STAB2: variants seen among roughly 807,000 people sequenced by gnomAD.
STAB2 encodes the protein stabilin-2.
In STAB2, 288 loss-of-function variants were observed where a neutral mutation model predicts 338.1. The ratio of observed to expected loss-of-function variants is 0.85; its 90% confidence interval spans 0.77 to 0.94. STAB2 has a LOEUF of 0.94. Ranked by LOEUF, STAB2 falls within the 40% of genes least tolerant of loss-of-function variation. The pLI is 0.00. For synonymous variants in STAB2, 1,202 were observed against 1,193.3 expected (o/e 1.01, Z -0.15); for missense variants, 3,141 against 3,210.1 (o/e 0.98, Z 0.52).
chr12:103,637,420 A>G (rs1368355600), intron 7 of STAB2, among the ~76,000 whole-genome samples, 184 bp downstream of exon 7: 1 of 152,236 alleles, frequency 6.6e-6, no homozygotes, highest in Non-Finnish European at 1.5e-5. Flanking sequence ...TCCTTCTCTT[A>G]TGAAAGCACA....
At chr12:103,703,832 A>G (rs886106248) in intron 35 of STAB2, among the ~76,000 whole-genome samples, 1 of 152,238 alleles carries the variant, frequency 6.6e-6, no homozygotes, top group Admixed American at 6.5e-5. Context: ...TATGCCGGGC[A>G]CTGCTCTAAA....
intron 6 of STAB2, among the ~76,000 whole-genome samples, chr12:103,634,515 G>A (rs117692512): frequency 0.017 from 2,643 of 152,318 alleles, 26 homozygotes; most frequent in Middle Eastern, 0.034. Flanking sequence ...TATCTTATAC[G>A]TAGGTCAATG....
intron 3 of STAB2, among the ~76,000 whole-genome samples, chr12:103,613,510 T>C (rs1317103816): frequency 6.6e-6 from 1 of 152,194 alleles, no homozygotes; most frequent in Non-Finnish European, 1.5e-5. Context: ...AATCTCCTGG[T>C]GTGCCGTTTG....
chr12:103,665,806 A>G (rs937314882), intron 18 of STAB2, among the ~76,000 whole-genome samples: 1 of 152,182 alleles, frequency 6.6e-6, no homozygotes, highest in Non-Finnish European at 1.5e-5. Context: ...CAATTCCATC[A>G]CCCTGAACCA....
At chr12:103,760,653 T>C (rs1884468315) in intron 65 of STAB2, among the ~76,000 whole-genome samples, 1 of 152,032 alleles carries the variant, frequency 6.6e-6, no homozygotes, top group African/African-American at 2.4e-5. Context: ...GGGGTAGCGG[T>C]GGAGGTGGTG....
At chr12:103,650,860 A>G (rs1873688087) in intron 11 of STAB2, among the ~76,000 whole-genome samples, 1 of 152,140 alleles carries the variant, frequency 6.6e-6, no homozygotes, top group African/African-American at 2.4e-5. Context: ...CCCCTTTCCA[A>G]TCATTACCCT....
chr12:103,752,081 G>A (rs2139189096), intron 60 of STAB2, among the ~76,000 whole-genome samples: 1 of 152,274 alleles, frequency 6.6e-6, no homozygotes, highest in Non-Finnish European at 1.5e-5. Flanking sequence ...ACTGAGACCT[G>A]ATGGTTCCGT....
At position 103,659,402 on chromosome 12, in the gene STAB2, G is replaced by A. The variant is rs140135642; in HGVS notation, c.1735-929G>A. ...GCTTTCTCTTAGCCTGGGACTTCAC[G>A]CTGTTGCAACCTGTTCTTAGAACAT... is the stretch of plus-strand genomic sequence containing the variant. On this transcript the variant is annotated intron_variant, in intron 15 of 68. Transcript: ENST00000388887. Among the ~76,000 whole-genome samples, 223 of 152,296 alleles carry A rather than the reference G, an allele frequency of 1.5e-3. 1 individual carries two copies. Among genetic ancestry groups the A allele is most frequent in the African/African-American group, 5.0e-3 (207 of 41,560 alleles).
At chr12:103,647,301 T>C (rs1593179115) in intron 9 of STAB2, among the ~76,000 whole-genome samples, 1 of 152,244 alleles carries the variant, frequency 6.6e-6, no homozygotes, top group East Asian at 1.9e-4. Context: ...CATGGAAATA[T>C]ATTTAGAAAC....
chr12:103,728,809 C>T (rs1336568845), intron 47 of STAB2, 40 bp from the exon 48 acceptor site: 2 of 1,610,132 alleles, frequency 1.2e-6, no homozygotes, highest in East Asian at 2.2e-5. Context: ...CAGCAAAAGA[C>T]TCCTGCCTCT....
At chr12:103,760,472 G>A (rs1269841062) in intron 65 of STAB2, among the ~76,000 whole-genome samples, 2 of 152,182 alleles carry the variant, frequency 1.3e-5, no homozygotes, top group Non-Finnish European at 2.9e-5. Context: ...TGTTGGCCAG[G>A]CTGGTCTTGA....
chr12:103,653,073 ATTTG>A (rs1873867038), intron 12 of STAB2, among the ~76,000 whole-genome samples: 1 of 152,096 alleles, frequency 6.6e-6, no homozygotes, highest in Non-Finnish European at 1.5e-5. Flanking sequence ...AATAGATTGT[ATTTG>A]TTTTAGATTG....
chr12:103,718,795 C>A (rs1478451035), intron 44 of STAB2, among the ~76,000 whole-genome samples: 1 of 152,198 alleles, frequency 6.6e-6, no homozygotes, highest in Non-Finnish European at 1.5e-5. Context: ...ATTTAGATTC[C>A]TCCCAGCCCT....
intron 19 of STAB2, 97 bp from the exon 20 acceptor site, chr12:103,668,546 A>G (rs1875388657): frequency 4.5e-6 from 5 of 1,118,872 alleles, no homozygotes; most frequent in Non-Finnish European, 6.5e-6. Flanking sequence ...TCAGTGGTGA[A>G]ATGGAAGTAC....
Position 103,690,308 on chromosome 12 carries a change from G to A in STAB2, c.3183-116G>A, listed in dbSNP as rs913036039. On this transcript the variant is annotated intron_variant, in intron 29 of 68. Transcript: ENST00000388887. ...TCTAGCCAAGGCTGGTAACTGCAGG[G>A]GGAACTTGAATTTTGACTATGGCAA... 6 of 931,882 alleles carry A rather than the reference G, an allele frequency of 6.4e-6. No individual in the cohort carries two copies. In the South Asian group the frequency reaches 1.0e-4, roughly 16 times the overall value. The allele number at this position is 931,882 out of a possible 1,614,324, so 57.7% of individuals were successfully genotyped here.
intron 39 of STAB2, among the ~76,000 whole-genome samples, chr12:103,709,218 G>T (rs141198117): frequency 1.3e-5 from 2 of 152,270 alleles, no homozygotes; most frequent in Admixed American, 6.5e-5. Context: ...CAGGCAGAAA[G>T]AAGCACCTGG....
rs894229192 is a variant in STAB2, at chr12:103,713,780, T to G, written c.4537+12T>G. On this transcript the variant is annotated intron_variant, in intron 42 of 68. Transcript: ENST00000388887. ...CATTGTGTGCCTGGGTAGGTGTCCT[T>G]CCCTCTTCCATCGGCGAAATGGTAT... The G allele has an allele frequency of 1.2e-6, 2 of 1,613,092 alleles. No individual in the cohort carries two copies. Among genetic ancestry groups the G allele is most frequent in the African/African-American group, 2.7e-5 (2 of 74,904 alleles).
chr12:103,609,803 A>G (rs541124427), intron 3 of STAB2, among the ~76,000 whole-genome samples: 1 of 152,304 alleles, frequency 6.6e-6, no homozygotes, highest in African/African-American at 2.4e-5. Context: ...TTGCCCATTC[A>G]GTATGATATT....
chr12:103,587,519 G>A lies in STAB2; in HGVS notation c.43G>A (p.Val15Ile), dbSNP rs1956728292. ...HLVIFCLGLV[V>I]QNFCSPAETT... ...AGTAATTTTTTGTCTTGGATTGGTT[G>A]TACAAAATTTCTGCTCCCCAGCTGA... Residue 15 changes from valine (V) to isoleucine (I), a missense_variant, in exon 1 of 69, where the codon GTA becomes ATA. Transcript: ENST00000388887. The A allele has an allele frequency of 2.5e-6, 4 of 1,614,042 alleles. No individual in the cohort carries two copies. The highest frequency in any genetic ancestry group is 3.4e-6 in the Non-Finnish European group (4 of 1,179,944).
Sources: gnomAD v4.1 joint callset for allele counts (sites outside exome capture counted in the v4.1 genomes callset) on GRCh38, gnomAD v4.1.1 for gene constraint, MANE v1.5 for transcripts, NCBI Gene and HGNC (gene_info 2026-07-23, HGNC 2026-07-21) for gene names.